The following CDH9 variants were observed in gnomAD, a reference collection of about 807,000 sequenced individuals.
CDH9 encodes the protein cadherin-9.
CDH9 carries 28 observed loss-of-function variants against 70.9 expected under a neutral mutation model. The observed-to-expected ratio is 0.40, with a 90% CI of 0.29 to 0.54. The LOEUF is 0.54. CDH9 is among the 20% of genes least tolerant of loss of function. CDH9 has a pLI of 0.59. For synonymous variants in CDH9, 409 were observed against 343.1 expected, an observed-to-expected ratio of 1.19 and a Z score of -2.12; for missense variants, 874 against 984.4, an observed-to-expected ratio of 0.89 and a Z score of 1.50.
At chr5:26,983,126 A>T (rs1217167093) in intron 2 of CDH9, among the ~76,000 whole-genome samples, 1 of 152,142 alleles carries the variant, frequency 6.6e-6, no homozygotes, top group Admixed American at 6.6e-5. Flanking sequence ...ACAAACAGAT[A>T]TGAGATTATG....
At chr5:26,909,038 C>T (rs1741000008) in intron 3 of CDH9, among the ~76,000 whole-genome samples, 1 of 152,084 alleles carries the variant, frequency 6.6e-6, no homozygotes, top group Non-Finnish European at 1.5e-5. Context: ...GGCTGGAGTG[C>T]AGTGGCGCAA....
At chr5:26,973,212 T>C (rs891419289) in intron 2 of CDH9, among the ~76,000 whole-genome samples, 7 of 152,092 alleles carry the variant, frequency 4.6e-5, no homozygotes, top group African/African-American at 1.4e-4. Flanking sequence ...TCACTGGGTA[T>C]CAGTGGGGCT....
At position 26,957,867 on chromosome 5, in the gene CDH9, C is replaced by T. The variant is rs373791058; in HGVS notation, c.228+30239G>A. ...AACAAATTAACCATTATTTTATATA[C>T]GGATTCTATTTAAATATTATCTCAA... On this transcript the variant is annotated intron_variant, in intron 2 of 11. Coordinates refer to ENST00000231021, the MANE Select transcript of CDH9 (RefSeq NM_016279.4). Among the ~76,000 whole-genome samples the T allele has an allele frequency of 1.8e-3, 178 of 99,546 alleles. 1 individual carries two copies. The highest frequency in any genetic ancestry group is 4.8e-3 in the Middle Eastern group (1 of 210). 65.3% of individuals were successfully genotyped at this position (99,546 alleles called of 152,430 possible).
rs772806219 is a variant in CDH9 at position 26,881,227 on chromosome 5, C to A, written c.2279G>T (p.Cys760Phe). 1.8e-5 allele frequency: 29 copies of A among 1,613,398 alleles called. No individual in the cohort carries two copies. Among genetic ancestry groups the A allele is most frequent in the Non-Finnish European group, 2.4e-5 (28 of 1,179,484 alleles). The stretch of plus-strand genomic sequence containing the variant: ...ACTGAGGTAATCATAATCTTGGTTA[C>A]AATCAGCTGTGAGAGATTCCAAAGA... ...LSSLESLTAD[C>F]NQDYDYLSDW... The change falls in exon 12 of 12, where the codon TGT becomes TTT. Residue 760 changes from cysteine to phenylalanine, a missense_variant. Cys to Phe is a radical substitution (Grantham distance 205). Coordinates refer to ENST00000231021, the MANE Select transcript of CDH9 (RefSeq NM_016279.4).
intron 1 of CDH9, among the ~76,000 whole-genome samples, chr5:27,024,405 C>A (rs552813939): frequency 6.6e-6 from 1 of 152,088 alleles, no homozygotes; most frequent in African/African-American, 2.4e-5. Context: ...CAAGTAAAAT[C>A]CCAGTCAGGA....
intron 7 of CDH9, among the ~76,000 whole-genome samples, chr5:26,892,715 T>C (rs116739114): frequency 6.6e-6 from 1 of 151,808 alleles, no homozygotes; most frequent in Non-Finnish European, 1.5e-5. Context: ...CTGGCATTTT[T>C]TTGTTGTTGT....
intron 1 of CDH9, among the ~76,000 whole-genome samples, chr5:26,989,443 C>T (rs149042210): frequency 3.4e-4 from 52 of 152,002 alleles, no homozygotes; most frequent in Middle Eastern, 6.8e-3. Context: ...AGAAGCAGTT[C>T]GGCATTTCCT....
At chr5:27,031,185 T>G (rs1445226567) in intron 1 of CDH9, among the ~76,000 whole-genome samples, 1 of 151,800 alleles carries the variant, frequency 6.6e-6, no homozygotes, top group African/African-American at 2.4e-5. Flanking sequence ...AACTGCTATT[T>G]TAATAAAAAA....
chr5:27,006,438 A>T (rs1221408472), intron 1 of CDH9, among the ~76,000 whole-genome samples: 3 of 152,006 alleles, frequency 2.0e-5, no homozygotes, highest in African/African-American at 7.2e-5. Flanking sequence ...GGAGGAGAGG[A>T]GTTCTATTCT....
chr5:26,994,467 A>T lies in CDH9; in HGVS notation c.-49-6085T>A, dbSNP rs144732238. 3.6e-4 allele frequency among the ~76,000 whole-genome samples: 55 copies of T among 152,030 alleles called. 1 individual carries two copies. The East Asian group carries it at 9.7e-3, about 27-fold the overall frequency. Reference sequence around the variant, plus strand: ...TGAGAGTGGAGTCTCTAATGATGAGATTTGTCCCTTTAAAAGGACATGAAG... The same window carrying T: ...TGAGAGTGGAGTCTCTAATGATGAGTTTTGTCCCTTTAAAAGGACATGAAG... On this transcript the variant is annotated intron_variant, in intron 1 of 11. Coordinates refer to ENST00000231021, the MANE Select transcript of CDH9 (RefSeq NM_016279.4).
chr5:27,004,317 C>T (rs979884454), intron 1 of CDH9, among the ~76,000 whole-genome samples: 1 of 151,876 alleles, frequency 6.6e-6, no homozygotes, highest in Non-Finnish European at 1.5e-5. Context: ...ACAAAAGTGC[C>T]CCTACAGCTG....
chr5:26,993,722 A>AAG (rs10699481), intron 1 of CDH9, among the ~76,000 whole-genome samples: 2 of 150,932 alleles, frequency 1.3e-5, no homozygotes, highest in African/African-American at 2.4e-5. Flanking sequence ...AAAAAAAAAA[A>AAG]GAACTATTAT....
At chr5:26,926,840 G>A (rs1741348281) in intron 2 of CDH9, among the ~76,000 whole-genome samples, 3 of 151,612 alleles carry the variant, frequency 2.0e-5, no homozygotes, top group Admixed American at 6.6e-5. Flanking sequence ...AACAAGAAAT[G>A]GGGAAAGGAG....
chr5:26,919,120 G>T (rs183174626), intron 2 of CDH9, among the ~76,000 whole-genome samples: 4 of 152,188 alleles, frequency 2.6e-5, no homozygotes. Context: ...TCAGGTGAGT[G>T]ACCACAGTAC....
rs866317144 is a variant in CDH9, at chr5:27,019,259, C to A, written c.-50+19204G>T. 4.6e-5 allele frequency among the ~76,000 whole-genome samples: 7 copies of A among 152,054 alleles called. 1 individual carries two copies. In the South Asian group the frequency reaches 1.2e-3, roughly 27 times the overall value. ...TCTCCTATTACAGATGAGACTATAG[C>A]AATGGAGATGCAGATATTAATAAAG... On this transcript the variant is annotated intron_variant, in intron 1 of 11. Coordinates refer to ENST00000231021, the MANE Select transcript of CDH9 (RefSeq NM_016279.4).
rs372436512 is a variant in CDH9 at position 27,015,357 on chromosome 5, C to T, written c.-50+23106G>A. On this transcript the variant is annotated intron_variant, in intron 1 of 11. Transcript: ENST00000231021. ...TCTAAAATGTAAAAATGCATCAATG[C>T]TAATTTCTTAAAATCAGGCTTTATT... 4.0e-5 allele frequency among the ~76,000 whole-genome samples: 6 copies of T among 151,734 alleles called. No homozygotes were observed. In the South Asian group the frequency reaches 1.0e-3, roughly 26 times the overall value.
In CDH9 at chr5:26,966,916, A is replaced by T. The variant is rs139888320; in HGVS notation, c.228+21190T>A. 6.3e-3 allele frequency among the ~76,000 whole-genome samples: 963 copies of T among 152,054 alleles called. 10 individuals carry two copies. The highest frequency in any genetic ancestry group is 0.022 in the African/African-American group (907 of 41,488). Reference sequence around the variant, plus strand: ...TCTCATCTTCTCTCTGCTTTAAAAAATGTTTTTAAGTGTATTTATTTATTT... The same window carrying T: ...TCTCATCTTCTCTCTGCTTTAAAAATTGTTTTTAAGTGTATTTATTTATTT... On this transcript the variant is annotated intron_variant, in intron 2 of 11. Transcript: ENST00000231021.
chr5:26,959,411 A>G (rs886711071), intron 2 of CDH9, among the ~76,000 whole-genome samples: 15 of 152,116 alleles, frequency 9.9e-5, no homozygotes, highest in African/African-American at 3.4e-4. Context: ...TGGTAGGCAT[A>G]TAAGTGGGTG....
chr5:27,024,687 T>C (rs1435405171), intron 1 of CDH9, among the ~76,000 whole-genome samples: 1 of 152,126 alleles, frequency 6.6e-6, no homozygotes, highest in Non-Finnish European at 1.5e-5. Flanking sequence ...ATTCTAATTA[T>C]CTACATTTTT....
Sources: gnomAD v4.1 joint callset for allele counts (sites outside exome capture counted in the v4.1 genomes callset) on GRCh38, gnomAD v4.1.1 for gene constraint, MANE v1.5 for transcripts, NCBI Gene and HGNC (gene_info 2026-07-23, HGNC 2026-07-21) for gene names.